PTK2: variants seen among roughly 807,000 people sequenced by gnomAD.
PTK2 encodes protein tyrosine kinase 2.
PTK2 carries 45 observed loss-of-function variants against 150.1 expected under a neutral mutation model. That is an observed-to-expected ratio of 0.30 (90% confidence interval 0.24 to 0.38). The LOEUF (loss-of-function observed/expected upper bound fraction) is 0.38. Among genes scored for constraint, PTK2 ranks in the 10% least tolerant of loss-of-function variants. PTK2 has a pLI of 1.00. For missense variants in PTK2, 919 were observed against 1,307.3 expected, an observed-to-expected ratio of 0.70 and a Z score of 4.58; for synonymous variants, 432 against 449.2, an observed-to-expected ratio of 0.96 and a Z score of 0.48.
chr8:140,786,804 A>C (rs1237940156), intron 14 of PTK2, among the ~76,000 whole-genome samples: 1 of 152,096 alleles, frequency 6.6e-6, no homozygotes, highest in East Asian at 1.9e-4. Context: ...TAAATCACCT[A>C]AGTGATAGTC....
intron 4 of PTK2, among the ~76,000 whole-genome samples, chr8:140,870,505 G>A (rs2154606476): frequency 6.6e-6 from 1 of 152,312 alleles, no homozygotes; most frequent in South Asian, 2.1e-4. Flanking sequence ...ATATATTATA[G>A]AGTAAGAATT....
intron 1 of PTK2, among the ~76,000 whole-genome samples, chr8:140,975,862 T>C (rs951268841): frequency 1.3e-5 from 2 of 152,166 alleles, no homozygotes; most frequent in Admixed American, 6.5e-5. Context: ...CAGGGCTTAA[T>C]ACCGTACCAG....
chr8:140,800,070 A>G (rs888714139), intron 12 of PTK2, among the ~76,000 whole-genome samples: 4 of 152,234 alleles, frequency 2.6e-5, no homozygotes, highest in African/African-American at 7.2e-5. Flanking sequence ...TTTGAGATAT[A>G]TAAGAAAAAG....
At chr8:140,885,842 C>T (rs2100152059) in intron 3 of PTK2, among the ~76,000 whole-genome samples, 2 of 152,064 alleles carry the variant, frequency 1.3e-5, no homozygotes, top group African/African-American at 4.8e-5. Flanking sequence ...GTGAGACTCT[C>T]AAAGGACGTG....
intron 14 of PTK2, among the ~76,000 whole-genome samples, chr8:140,789,058 A>G (rs545328846): frequency 6.6e-6 from 1 of 152,314 alleles, no homozygotes; most frequent in Admixed American, 6.5e-5. Flanking sequence ...TTAAAAAGCA[A>G]TACTCAAACA....
At chr8:140,706,717 A>C (rs1188909971) in intron 23 of PTK2, among the ~76,000 whole-genome samples, 1 of 152,226 alleles carries the variant, frequency 6.6e-6, no homozygotes, top group Admixed American at 6.5e-5. Context: ...CAGCAATTCT[A>C]CTTTCAGGTA....
At chr8:140,975,057 T>G (rs146772663) in intron 1 of PTK2, among the ~76,000 whole-genome samples, 14 of 152,314 alleles carry the variant, frequency 9.2e-5, no homozygotes, top group Middle Eastern at 3.4e-3. Flanking sequence ...AGTTGTGCCC[T>G]TAAGTCCTTC....
At chr8:140,986,251 C>T (rs945386205) in intron 1 of PTK2, among the ~76,000 whole-genome samples, 1 of 152,144 alleles carries the variant, frequency 6.6e-6, no homozygotes, top group Non-Finnish European at 1.5e-5. Flanking sequence ...ATTTAATTGG[C>T]CACATGTGGC....
intron 1 of PTK2, among the ~76,000 whole-genome samples, chr8:140,964,368 G>A (rs959583852): frequency 2.0e-5 from 3 of 151,446 alleles, no homozygotes; most frequent in Admixed American, 6.6e-5. Flanking sequence ...ACACCATCAC[G>A]CGCCAGCTAA....
At chr8:140,808,730 C>CT (rs2100099618) in intron 10 of PTK2, among the ~76,000 whole-genome samples, 11 of 130,328 alleles carry the variant, frequency 8.4e-5, no homozygotes, top group African/African-American at 3.2e-4. Context: ...AATTTTTGTT[C>CT]TTGTTTTTTT....
intron 21 of PTK2, among the ~76,000 whole-genome samples, chr8:140,737,494 A>G (rs1425586511): frequency 6.6e-6 from 1 of 152,228 alleles, no homozygotes; most frequent in Non-Finnish European, 1.5e-5. Flanking sequence ...TACTGATTCT[A>G]GGAAACTTTA....
At chr8:140,808,853 G>A (rs982498385) in intron 10 of PTK2, among the ~76,000 whole-genome samples, 4 of 149,190 alleles carry the variant, frequency 2.7e-5, no homozygotes, top group Admixed American at 6.8e-5. Flanking sequence ...CTCCTGCCTC[G>A]GTGTCCTGAA....
intron 2 of PTK2, among the ~76,000 whole-genome samples, chr8:140,894,518 T>C (rs2100155375): frequency 6.6e-6 from 1 of 152,108 alleles, no homozygotes; most frequent in African/African-American, 2.4e-5. Flanking sequence ...TATGGTACAT[T>C]CCTATAATGG....
At chr8:140,850,505 C>T (rs1365091479) in intron 5 of PTK2, among the ~76,000 whole-genome samples, 1 of 149,904 alleles carries the variant, frequency 6.7e-6, no homozygotes, top group African/African-American at 2.5e-5. Flanking sequence ...GCGGGTAGAT[C>T]ACGAGGTCAG....
intron 11 of PTK2, among the ~76,000 whole-genome samples, chr8:140,802,835 G>T (rs1417397028): frequency 1.3e-5 from 2 of 152,060 alleles, no homozygotes; most frequent in African/African-American, 4.8e-5. Flanking sequence ...GTATAGCCTA[G>T]GTGTACAGTA....
intron 4 of PTK2, among the ~76,000 whole-genome samples, chr8:140,871,872 T>C (rs1466852259): frequency 6.6e-6 from 1 of 152,024 alleles, no homozygotes. Context: ...AGGCAAGACC[T>C]TGTCTCAAAA....
At chr8:140,764,353 T>C in intron 14 of PTK2, 63 bp from the exon 17 acceptor site, 2 of 1,240,016 alleles carry the variant, frequency 1.6e-6, no homozygotes, top group Non-Finnish European at 2.4e-6. Flanking sequence ...GTATTTCATA[T>C]AATTAAAGTA....
chr8:140,903,039 C>A (rs1568523347), intron 2 of PTK2, among the ~76,000 whole-genome samples: 2 of 135,756 alleles, frequency 1.5e-5, no homozygotes, highest in Non-Finnish European at 3.1e-5. Flanking sequence ...TTGTTTTAGT[C>A]ATGAAGTCTT....
chr8:140,769,192 T>C lies in PTK2; in HGVS notation c.1178-4902A>G, dbSNP rs577939429. ...ATTTTTCATTCTTTCCTTTCTACTA[T>C]CTCATTCCCAAACTAAGAATTATCA... is the stretch of plus-strand genomic sequence containing the variant. On this transcript the variant is annotated intron_variant, in intron 14 of 31. Coordinates refer to ENST00000522684, the Ensembl canonical transcript of PTK2. Among the ~76,000 whole-genome samples, 3 of 152,348 alleles carry C rather than the reference T, an allele frequency of 2.0e-5. No homozygotes were observed. In the South Asian group the frequency reaches 6.2e-4, roughly 32 times the overall value.
Sources: allele counts gnomAD v4.1 joint callset (sites outside exome capture counted in the v4.1 genomes callset), GRCh38; gene constraint gnomAD v4.1.1; transcripts MANE v1.5; gene names NCBI Gene and HGNC (gene_info 2026-07-23, HGNC 2026-07-21).